The following MORC2 variants were observed in gnomAD, a reference collection of about 807,000 sequenced individuals.
MORC2 encodes the protein ATPase MORC2.
MORC2 carries 30 observed loss-of-function variants against 136.0 expected under a neutral mutation model. The ratio of observed to expected loss-of-function variants is 0.22; its 90% confidence interval spans 0.17 to 0.30. The LOEUF (loss-of-function observed/expected upper bound fraction) is 0.30, where lower values mean the gene tolerates loss of function less well. Ranked by LOEUF, MORC2 falls within the 10% of genes least tolerant of loss-of-function variation. The probability of loss-of-function intolerance (pLI) is 1.00; values close to 1 mark genes in which losing one functional copy is unlikely to be tolerated. For synonymous variants in MORC2, 439 were observed against 487.0 expected, an observed-to-expected ratio of 0.90 and a Z score of 1.30; for missense variants, 922 against 1,333.1, an observed-to-expected ratio of 0.69 and a Z score of 4.80.
intron 20 of MORC2, 132 bp from the exon 21 acceptor site, chr22:30,933,652 C>G (rs1602479607): frequency 1.2e-6 from 1 of 867,070 alleles, no homozygotes; most frequent in East Asian, 2.5e-5. Flanking sequence ...CACCAAGCCC[C>G]GTTGAGAGCC....
chr22:30,928,700 C>A (rs958199312), intron 24 of MORC2, among the ~76,000 whole-genome samples: 3 of 152,150 alleles, frequency 2.0e-5, no homozygotes, highest in Non-Finnish European at 4.4e-5. Context: ...AGCATCAGAG[C>A]TTTTTACTAT....
chr22:30,960,368 G>GC (rs1348371592), intron 1 of MORC2, among the ~76,000 whole-genome samples: 4 of 152,148 alleles, frequency 2.6e-5, no homozygotes, highest in Non-Finnish European at 5.9e-5. Context: ...TCCAAAGGCA[G>GC]CACGACAAAT....
intron 25 of MORC2, among the ~76,000 whole-genome samples, chr22:30,927,185 G>A (rs916481032): frequency 2.6e-5 from 4 of 151,924 alleles, no homozygotes; most frequent in African/African-American, 9.7e-5. Flanking sequence ...CAAGGTCCAG[G>A]CCACCACTGT....
At position 30,960,808 on chromosome 22, in the gene MORC2, CAAAA is replaced by C. The variant is rs35374135; in HGVS notation, c.69-2118_69-2115del. On this transcript the variant is annotated intron_variant, in intron 1 of 25. Coordinates refer to ENST00000397641, the MANE Select transcript of MORC2 (RefSeq NM_001303256.3). ...ACCCGGCTGGAAAAGACAGATTTCT[CAAAA>C]AAAAAAAAAAAAAAAGTCCATAAAA... Among the ~76,000 whole-genome samples, 30 of 97,784 alleles carry C rather than the reference CAAAA, an allele frequency of 3.1e-4. No individual in the cohort carries two copies. In the South Asian group the frequency reaches 9.4e-3, roughly 31 times the overall value. 64.2% of individuals were successfully genotyped at this position (97,784 alleles called of 152,430 possible). A position where few individuals can be genotyped will look rare whatever the true frequency, so the allele number is the denominator to read the frequency against.
intron 5 of MORC2, among the ~76,000 whole-genome samples, chr22:30,949,181 T>C (rs982198794): frequency 6.6e-6 from 1 of 152,172 alleles, no homozygotes; most frequent in African/African-American, 2.4e-5. Context: ...GAACAACACA[T>C]TCCAAACACT....
At position 30,934,293 on chromosome 22, in the gene MORC2, C is replaced by A; in HGVS notation, c.2194-102G>T. ...AGGAGTCGTTCCAAGAGGAGCTGTA[C>A]TCCCTGCAATCCCTGCCTGACATTA... On this transcript the variant is annotated intron_variant, in intron 19 of 25. Transcript: ENST00000397641. The surrounding 1 kb of genome is among the most constrained non-coding windows in gnomAD (Gnocchi z 4.4). 6.7e-7 allele frequency: 1 copy of A among 1,495,716 alleles called. No individual in the cohort carries two copies. The highest frequency in any genetic ancestry group is 9.1e-7 in the Non-Finnish European group (1 of 1,103,404). The allele number at this position is 1,495,716 out of a possible 1,614,324, so 92.7% of individuals were successfully genotyped here.
At chr22:30,943,022 T>A (rs1029610457) in intron 6 of MORC2, among the ~76,000 whole-genome samples, 3 of 151,808 alleles carry the variant, frequency 2.0e-5, no homozygotes, top group African/African-American at 7.3e-5. Context: ...AATAAATAAA[T>A]AAAAATAACC....
intron 1 of MORC2, chr22:30,966,923 C>T (rs1213451118): frequency 5.4e-6 from 1 of 183,980 alleles, no homozygotes; most frequent in Non-Finnish European, 1.0e-5. Context: ...ATGTTGTCTT[C>T]TCCATCAAAA....
At position 30,968,075 on chromosome 22, in the gene MORC2, G is replaced by T. The variant is rs2041156397; in HGVS notation, c.-186C>A. The stretch of plus-strand genomic sequence containing the variant: ...GTTTAAAACTACAATTTCTTCAAGT[G>T]TTTTTTTTTAATCTTCTCAATGATT... On this transcript the variant is annotated 5_prime_UTR_variant, in exon 1 of 26. Coordinates refer to ENST00000397641, the MANE Select transcript of MORC2 (RefSeq NM_001303256.3). 4 of 532,158 alleles carry T rather than the reference G, an allele frequency of 7.5e-6. No homozygotes were observed. The highest frequency in any genetic ancestry group is 3.5e-5 in the Admixed American group (1 of 28,776). The allele number at this position is 532,158 out of a possible 1,614,324, so 33.0% of individuals were successfully genotyped here.
chr22:30,952,200 A>C (rs549026718), intron 3 of MORC2, among the ~76,000 whole-genome samples: 2 of 152,222 alleles, frequency 1.3e-5, no homozygotes, highest in Non-Finnish European at 2.9e-5. Context: ...TGTCATAAGG[A>C]GACTCAAACT....
chr22:30,952,250 C>T (rs2040899435), intron 3 of MORC2, among the ~76,000 whole-genome samples: 2 of 152,184 alleles, frequency 1.3e-5, no homozygotes, highest in African/African-American at 4.8e-5. Flanking sequence ...CATTCTAAAC[C>T]TAGCCAAGAG....
At chr22:30,962,371 T>A (rs531495390) in intron 1 of MORC2, among the ~76,000 whole-genome samples, 7 of 151,964 alleles carry the variant, frequency 4.6e-5, no homozygotes, top group Admixed American at 2.0e-4. Flanking sequence ...GAAATCAGCC[T>A]GGGCAACACG....
In MORC2 at chr22:30,937,202, G is replaced by C. The variant is rs199498457; in HGVS notation, c.1499-165C>G. 5.3e-5 allele frequency among the ~76,000 whole-genome samples: 8 copies of C among 152,208 alleles called. No homozygotes were observed. In the South Asian group the frequency reaches 8.3e-4, roughly 16 times the overall value. ...CTTAGAGAATACTAATTCTTCTCAG[G>C]GACACTGATTCCAGGAAGGATGGAA... is the stretch of plus-strand genomic sequence containing the variant. On this transcript the variant is annotated intron_variant, in intron 15 of 25. Coordinates refer to ENST00000397641, the MANE Select transcript of MORC2 (RefSeq NM_001303256.3). The surrounding 1 kb of genome is among the most constrained non-coding windows in gnomAD (Gnocchi z 4.7).
Position 30,937,062 on chromosome 22 carries a change from A to G in MORC2, c.1499-25T>C, listed in dbSNP as rs765895123. 1.4e-5 allele frequency: 21 copies of G among 1,544,466 alleles called. No individual in the cohort carries two copies. Among genetic ancestry groups the G allele is most frequent in the East Asian group, 1.3e-4 (6 of 44,494 alleles). ...TCTGCAGAGAGCAAAAAAACCCCAC[A>G]TATCAGCCACGCCCACCAACTCTAT... On this transcript the variant is annotated intron_variant, in intron 15 of 25. Transcript: ENST00000397641. The surrounding 1 kb of genome is among the most constrained non-coding windows in gnomAD (Gnocchi z 4.7).
chr22:30,940,992 G>A (rs1187164359), intron 9 of MORC2, among the ~76,000 whole-genome samples, 155 bp from the exon 10 acceptor site: 1 of 152,108 alleles, frequency 6.6e-6, no homozygotes, highest in Non-Finnish European at 1.5e-5. Flanking sequence ...CAGCAAAAAG[G>A]TGCAGTTCCT....
chr22:30,957,751 A>G (rs2040987381), intron 2 of MORC2, among the ~76,000 whole-genome samples: 1 of 152,254 alleles, frequency 6.6e-6, no homozygotes, highest in African/African-American at 2.4e-5. Flanking sequence ...GATTGAAACA[A>G]AACAGGAGTT....
chr22:30,956,488 G>A (rs990171671), intron 3 of MORC2, among the ~76,000 whole-genome samples: 55 of 152,190 alleles, frequency 3.6e-4, no homozygotes, highest in Admixed American at 6.5e-5. Context: ...ACTCTCTACT[G>A]TTCCACTCCA....
At chr22:30,950,339 A>ACACAC in intron 4 of MORC2, 38 bp downstream of exon 4, 1 of 539,984 alleles carries the variant, frequency 1.9e-6, no homozygotes, top group Non-Finnish European at 3.5e-6. Flanking sequence ...GTTACATCGC[A>ACACAC]CCCCCCCACC....
intron 4 of MORC2, 39 bp downstream of exon 4, chr22:30,950,338 C>CGGGCG: frequency 2.9e-6 from 2 of 695,190 alleles, no homozygotes; most frequent in Non-Finnish European, 5.2e-6. Flanking sequence ...GGTTACATCG[C>CGGGCG]ACCCCCCCAC....
Sources: allele counts gnomAD v4.1 joint callset (sites outside exome capture counted in the v4.1 genomes callset), GRCh38; gene constraint gnomAD v4.1.1; non-coding constraint Gnocchi (gnomAD v3.1); transcripts MANE v1.5; gene names NCBI Gene and HGNC (gene_info 2026-07-23, HGNC 2026-07-21).